The following HDAC9 variants were observed in gnomAD, a reference collection of about 807,000 sequenced individuals.
HDAC9 encodes the protein histone deacetylase 9, also known as MEF-2 interacting transcription repressor (MITR) protein.
HDAC9 carries 41 observed loss-of-function variants against 139.4 expected under a neutral mutation model. The observed-to-expected ratio is 0.29, with a 90% CI of 0.23 to 0.38. The LOEUF is 0.38. HDAC9 is among the 10% of genes least tolerant of loss of function. The pLI, the probability that HDAC9 is intolerant of heterozygous loss-of-function variation, is 1.00. For synonymous variants in HDAC9, 517 were observed against 476.2 expected (o/e 1.09, Z -1.12); for missense variants, 1,147 against 1,297.0 (o/e 0.88, Z 1.78).
intron 6 of HDAC9, among the ~76,000 whole-genome samples, chr7:18,622,578 T>C (rs1840504044): frequency 6.6e-6 from 1 of 152,010 alleles, no homozygotes; most frequent in Admixed American, 6.6e-5. Context: ...CGCCTTGGCC[T>C]CCCAGAGTGC....
intron 12 of HDAC9, among the ~76,000 whole-genome samples, chr7:18,689,539 C>A (rs1385052166): frequency 6.6e-6 from 1 of 151,980 alleles, no homozygotes; most frequent in African/African-American, 2.4e-5. Context: ...CAAGAAATTT[C>A]TCTTAACCAG....
intron 17 of HDAC9, among the ~76,000 whole-genome samples, chr7:18,824,003 G>A (rs1163637613): frequency 6.7e-6 from 1 of 150,182 alleles, no homozygotes; most frequent in East Asian, 2.0e-4. Context: ...AGAAGGAGAA[G>A]GGGAATGGGA....
At chr7:18,750,751 G>A (rs1788372798) in intron 14 of HDAC9, among the ~76,000 whole-genome samples, 1 of 152,186 alleles carries the variant, frequency 6.6e-6, no homozygotes, top group Non-Finnish European at 1.5e-5. Flanking sequence ...AGACCAGCAA[G>A]GAGAATTATT....
intron 2 of HDAC9, among the ~76,000 whole-genome samples, chr7:18,171,627 C>T (rs1459047695): frequency 1.3e-5 from 2 of 152,032 alleles, no homozygotes; most frequent in African/African-American, 4.8e-5. Flanking sequence ...TCCATCGATA[C>T]CTAGTTTATT....
intron 3 of HDAC9, among the ~76,000 whole-genome samples, chr7:18,589,613 G>T (rs1042539090): frequency 6.6e-5 from 10 of 152,092 alleles, no homozygotes; most frequent in Admixed American, 1.3e-4. Flanking sequence ...GAATTCAAGG[G>T]ATTCAGAAAG....
intron 1 of HDAC9, among the ~76,000 whole-genome samples, chr7:18,388,639 C>T (rs1406214374): frequency 6.6e-6 from 1 of 152,138 alleles, no homozygotes; most frequent in African/African-American, 2.4e-5. Context: ...GTTCCTAACT[C>T]TGCTCTTTTT....
chr7:18,653,448 T>C (rs1167121752), intron 11 of HDAC9, among the ~76,000 whole-genome samples: 1 of 152,172 alleles, frequency 6.6e-6, no homozygotes, highest in Non-Finnish European at 1.5e-5. Context: ...TGCTCTGTGA[T>C]AAATATCTTG....
intron 22 of HDAC9, among the ~76,000 whole-genome samples, chr7:18,876,924 A>G (rs1243539641): frequency 1.3e-5 from 2 of 151,762 alleles, no homozygotes; most frequent in African/African-American, 4.8e-5. Flanking sequence ...CTGGTCTCGA[A>G]CTCCTGACCT....
chr7:18,429,621 G>A (rs1415187774), intron 1 of HDAC9, among the ~76,000 whole-genome samples: 1 of 151,996 alleles, frequency 6.6e-6, no homozygotes, highest in Non-Finnish European at 1.5e-5. Context: ...AGTGTTTGCA[G>A]TAAAAACAAA....
chr7:18,333,794 G>GA (rs1211971922), intron 1 of HDAC9, among the ~76,000 whole-genome samples: 1 of 151,320 alleles, frequency 6.6e-6, no homozygotes, highest in Admixed American at 6.6e-5. Flanking sequence ...TAAAGTTAAA[G>GA]AATCAGTAAA....
intron 12 of HDAC9, among the ~76,000 whole-genome samples, chr7:18,717,424 C>G (rs1339638299): frequency 6.7e-6 from 1 of 149,350 alleles, no homozygotes; most frequent in Non-Finnish European, 1.5e-5. Flanking sequence ...GATTGATTTA[C>G]AATTTCCTTT....
At chr7:18,842,786 C>A (rs1169886220) in intron 21 of HDAC9, among the ~76,000 whole-genome samples, 1 of 151,840 alleles carries the variant, frequency 6.6e-6, no homozygotes, top group Admixed American at 6.6e-5. Context: ...GCTCTTTGAC[C>A]CTGAGAGTAA....
At chr7:18,818,069 T>C (rs1350709321) in intron 17 of HDAC9, among the ~76,000 whole-genome samples, 5 of 152,240 alleles carry the variant, frequency 3.3e-5, no homozygotes, top group Admixed American at 6.5e-5. Flanking sequence ...ATGCGAATTT[T>C]GAATTCAGCA....
chr7:18,511,883 G>C lies in HDAC9; in HGVS notation c.22+15559G>C, dbSNP rs111530216. On this transcript the variant is annotated intron_variant, in intron 2 of 25. Transcript: ENST00000686413. ...TTTTCTGTGAATTTTTCTGACTACTGTTGGATTCGAGTGGTTTTCATATGC... is the reference window on the plus strand; with the variant it reads ...TTTTCTGTGAATTTTTCTGACTACTCTTGGATTCGAGTGGTTTTCATATGC... 8.0e-3 allele frequency among the ~76,000 whole-genome samples: 1,223 copies of C among 152,154 alleles called. 18 individuals carry two copies. The highest frequency in any genetic ancestry group is 0.028 in the African/African-American group (1,160 of 41,482).
chr7:18,389,223 C>T (rs1290670624), intron 1 of HDAC9, among the ~76,000 whole-genome samples: 1 of 152,180 alleles, frequency 6.6e-6, no homozygotes, highest in Non-Finnish European at 1.5e-5. Context: ...CAATTCATTT[C>T]AAGTTGTCAA....
At chr7:18,132,789 T>G (rs368105231) in intron 1 of HDAC9, among the ~76,000 whole-genome samples, 6 of 152,272 alleles carry the variant, frequency 3.9e-5, no homozygotes, top group African/African-American at 1.4e-4. Flanking sequence ...GGGCCTAGAT[T>G]GGTTTTTAGT....
intron 22 of HDAC9, among the ~76,000 whole-genome samples, chr7:18,917,737 T>G (rs1284356689): frequency 6.6e-6 from 1 of 152,008 alleles, no homozygotes. Context: ...TATCCCCGAT[T>G]TATTGAAGAA....
intron 2 of HDAC9, among the ~76,000 whole-genome samples, chr7:18,570,313 C>T (rs937164669): frequency 2.0e-5 from 3 of 152,058 alleles, no homozygotes; most frequent in Non-Finnish European, 4.4e-5. Context: ...TGCTGAAATA[C>T]ACACTTTAAG....
chr7:18,860,057 C>G (rs1232222844), intron 21 of HDAC9, among the ~76,000 whole-genome samples: 1 of 151,354 alleles, frequency 6.6e-6, no homozygotes, highest in African/African-American at 2.4e-5. Flanking sequence ...AATATGTGTA[C>G]TAAGCTACAC....
Sources: allele counts gnomAD v4.1 joint callset (sites outside exome capture counted in the v4.1 genomes callset), GRCh38; gene constraint gnomAD v4.1.1; transcripts MANE v1.5; gene names NCBI Gene and HGNC (gene_info 2026-07-23, HGNC 2026-07-21).